TAFA4: variants seen among roughly 807,000 people sequenced by gnomAD.
TAFA4 encodes the protein chemokine-like protein TAFA-4.
In TAFA4, 20 loss-of-function variants were observed where a neutral mutation model predicts 21.1. The observed-to-expected ratio is 0.95, with a 90% CI of 0.67 to 1.38. TAFA4 has a LOEUF of 1.38. Ranked by LOEUF, TAFA4 falls within the 40% of genes most tolerant of loss-of-function variation. The pLI is 0.00. For missense variants in TAFA4, 211 were observed against 180.9 expected (o/e 1.17, Z -0.95); for synonymous variants, 71 against 67.4 (o/e 1.05, Z -0.26).
At chr3:68,762,204 T>TTA in intron 3 of TAFA4, among the ~76,000 whole-genome samples, 1 of 147,130 alleles carries the variant, frequency 6.8e-6, no homozygotes, top group African/African-American at 2.5e-5. Context: ...GGCCTTAATT[T>TTA]AAAAAAAAAA....
chr3:68,887,631 C>A (rs190703223), intron 1 of TAFA4, among the ~76,000 whole-genome samples: 1 of 152,228 alleles, frequency 6.6e-6, no homozygotes, highest in South Asian at 2.1e-4. Flanking sequence ...AGGATCAGTA[C>A]CATGTGGACA....
At chr3:68,748,743 C>CACA (rs1702507478) in intron 4 of TAFA4, among the ~76,000 whole-genome samples, 2 of 60,028 alleles carry the variant, frequency 3.3e-5, no homozygotes, top group Admixed American at 3.8e-4. Flanking sequence ...GACTCCGTCT[C>CACA]AAAAAAAAAA....
chr3:68,733,743 A>G (rs1418727475), intron 5 of TAFA4, among the ~76,000 whole-genome samples: 4 of 151,998 alleles, frequency 2.6e-5, no homozygotes, highest in African/African-American at 7.2e-5. Context: ...GCACAGGTGG[A>G]AAAAAAAGCA....
chr3:68,849,754 C>G (rs766337339), intron 3 of TAFA4, among the ~76,000 whole-genome samples: 1 of 152,148 alleles, frequency 6.6e-6, no homozygotes, highest in Non-Finnish European at 1.5e-5. Context: ...AACACCAGCC[C>G]TTTCACAAAA....
At chr3:68,765,622 A>G (rs1575600207) in intron 3 of TAFA4, among the ~76,000 whole-genome samples, 1 of 152,204 alleles carries the variant, frequency 6.6e-6, no homozygotes, top group Non-Finnish European at 1.5e-5. Context: ...TCTAATTCTA[A>G]TTAAAGATGG....
At chr3:68,739,907 C>A (rs1335976181) in intron 4 of TAFA4, among the ~76,000 whole-genome samples, 1 of 152,184 alleles carries the variant, frequency 6.6e-6, no homozygotes, top group South Asian at 2.1e-4. Flanking sequence ...TTAAGGGGTA[C>A]AAAGTACACT....
At chr3:68,801,063 T>G (rs1473098997) in intron 3 of TAFA4, among the ~76,000 whole-genome samples, 2 of 152,202 alleles carry the variant, frequency 1.3e-5, no homozygotes, top group African/African-American at 4.8e-5. Context: ...TTAACTTGCA[T>G]GACTCCCTCC....
intron 3 of TAFA4, among the ~76,000 whole-genome samples, chr3:68,776,655 G>A (rs1703055017): frequency 6.6e-6 from 1 of 152,064 alleles, no homozygotes; most frequent in Admixed American, 6.5e-5. Context: ...CAACCAGCTG[G>A]ACTTACTTAC....
chr3:68,741,424 C>G (rs1702350016), intron 4 of TAFA4, among the ~76,000 whole-genome samples: 1 of 151,964 alleles, frequency 6.6e-6, no homozygotes, highest in African/African-American at 2.4e-5. Flanking sequence ...TTGTTCATTG[C>G]TAGAGAAATG....
At chr3:68,781,506 C>T (rs144940115) in intron 3 of TAFA4, among the ~76,000 whole-genome samples, 12 of 152,072 alleles carry the variant, frequency 7.9e-5, no homozygotes, top group African/African-American at 2.9e-4. Context: ...AACTTCGTGC[C>T]AATAAGTTTG....
chr3:68,801,131 C>G (rs1294163097), intron 3 of TAFA4, among the ~76,000 whole-genome samples: 2 of 152,156 alleles, frequency 1.3e-5, no homozygotes, highest in East Asian at 3.8e-4. Flanking sequence ...GAAAGTGTAC[C>G]CACCATGCCA....
chr3:68,799,109 C>T (rs1204463819), intron 3 of TAFA4, among the ~76,000 whole-genome samples: 1 of 152,092 alleles, frequency 6.6e-6, no homozygotes, highest in Non-Finnish European at 1.5e-5. Context: ...ATAATGTCCC[C>T]CCTCCCTCAA....
At chr3:68,773,067 A>G (rs1174215726) in intron 3 of TAFA4, among the ~76,000 whole-genome samples, 1 of 152,198 alleles carries the variant, frequency 6.6e-6, no homozygotes, top group East Asian at 1.9e-4. Flanking sequence ...GTCATTCTCA[A>G]AAAGGTCCCC....
chr3:68,780,557 C>T (rs1202278847), intron 3 of TAFA4, among the ~76,000 whole-genome samples: 1 of 152,206 alleles, frequency 6.6e-6, no homozygotes, highest in Non-Finnish European at 1.5e-5. Context: ...CCTGCACAAG[C>T]TCTCTCATTC....
At chr3:68,742,035 A>G (rs1370632014) in intron 4 of TAFA4, among the ~76,000 whole-genome samples, 2 of 152,208 alleles carry the variant, frequency 1.3e-5, no homozygotes, top group Admixed American at 6.5e-5. Flanking sequence ...CTATGATTAA[A>G]TGGGATTTAT....
chr3:68,784,327 G>T (rs1332068222), intron 3 of TAFA4, among the ~76,000 whole-genome samples: 1 of 152,216 alleles, frequency 6.6e-6, no homozygotes, highest in Non-Finnish European at 1.5e-5. Flanking sequence ...GAATGAAGCT[G>T]CAGACCCTCA....
chr3:68,924,649 C>G (rs574886775), intron 1 of TAFA4, among the ~76,000 whole-genome samples: 1 of 152,278 alleles, frequency 6.6e-6, no homozygotes, highest in East Asian at 1.9e-4. Flanking sequence ...TTTACCCAAA[C>G]TGAAACAAAA....
intron 1 of TAFA4, among the ~76,000 whole-genome samples, chr3:68,891,555 AT>A (rs2089730942): frequency 6.6e-6 from 1 of 152,122 alleles, no homozygotes; most frequent in Non-Finnish European, 1.5e-5. Context: ...AGTAGGAATA[AT>A]TTTTTCAGCT....
intron 3 of TAFA4, among the ~76,000 whole-genome samples, chr3:68,827,333 C>A (rs1183617586): frequency 6.6e-6 from 1 of 151,990 alleles, no homozygotes; most frequent in African/African-American, 2.4e-5. Context: ...ATGAATAGTG[C>A]CACAAGAAAC....
Sources: gnomAD v4.1 joint callset for allele counts (sites outside exome capture counted in the v4.1 genomes callset) on GRCh38, gnomAD v4.1.1 for gene constraint, MANE v1.5 for transcripts, NCBI Gene and HGNC (gene_info 2026-07-23, HGNC 2026-07-21) for gene names.